The following COL8A1 variants were observed in gnomAD, a reference collection of about 807,000 sequenced individuals.
COL8A1 encodes the protein collagen type VIII alpha 1 chain.
In COL8A1, 21 loss-of-function variants were observed where a neutral mutation model predicts 42.7. That is an observed-to-expected ratio of 0.49 (90% confidence interval 0.35 to 0.71). COL8A1 has a LOEUF of 0.71. COL8A1 is among the 30% of genes least tolerant of loss of function. The probability of loss-of-function intolerance (pLI) is 0.01; values close to 1 mark genes in which losing one functional copy is unlikely to be tolerated. For synonymous variants in COL8A1, 367 were observed against 369.1 expected (o/e 0.99, Z 0.06); for missense variants, 788 against 962.4 (o/e 0.82, Z 2.40).
intron 2 of COL8A1, among the ~76,000 whole-genome samples, chr3:99,746,334 G>A (rs1189015956): frequency 6.6e-6 from 1 of 152,168 alleles, no homozygotes; most frequent in Non-Finnish European, 1.5e-5. Context: ...TGAAGCAGCA[G>A]ATTATAGGAC....
intron 2 of COL8A1, among the ~76,000 whole-genome samples, chr3:99,756,664 G>A (rs576032011): frequency 6.6e-6 from 1 of 152,338 alleles, no homozygotes; most frequent in East Asian, 1.9e-4. Context: ...CTCTGAGCCA[G>A]TGGTTCTTTT....
chr3:99,772,141 T>C (rs116724483), intron 2 of COL8A1, among the ~76,000 whole-genome samples: 1,806 of 152,284 alleles, frequency 0.012, 16 homozygotes, highest in Middle Eastern at 0.037. Context: ...GGAATATTAT[T>C]GAGTGCTAAA....
At chr3:99,777,515 G>T (rs2107444283) in intron 2 of COL8A1, among the ~76,000 whole-genome samples, 1 of 152,296 alleles carries the variant, frequency 6.6e-6, no homozygotes, top group South Asian at 2.1e-4. Context: ...ATGGCATTCT[G>T]CTCCTCTGGA....
intron 1 of COL8A1, among the ~76,000 whole-genome samples, chr3:99,655,357 A>C (rs966556155): frequency 6.6e-6 from 1 of 152,214 alleles, no homozygotes; most frequent in Non-Finnish European, 1.5e-5. Context: ...TAAAATATAC[A>C]AAACAGGAAA....
At chr3:99,722,743 C>T (rs980556920) in intron 1 of COL8A1, among the ~76,000 whole-genome samples, 5 of 151,960 alleles carry the variant, frequency 3.3e-5, no homozygotes, top group African/African-American at 9.7e-5. Context: ...TGTTCTTGCC[C>T]GAAGTGTTAA....
chr3:99,735,733 C>T (rs1295508191), intron 1 of COL8A1, among the ~76,000 whole-genome samples: 3 of 151,668 alleles, frequency 2.0e-5, no homozygotes, highest in Admixed American at 6.6e-5. Flanking sequence ...ATGGTACCAG[C>T]TCCTCCTTGT....
At chr3:99,728,745 A>T (rs1177564331) in intron 1 of COL8A1, among the ~76,000 whole-genome samples, 4 of 152,012 alleles carry the variant, frequency 2.6e-5, no homozygotes, top group African/African-American at 9.7e-5. Flanking sequence ...CATCATGTAA[A>T]TGTCAAGATA....
At chr3:99,698,693 A>G (rs1194156044) in intron 1 of COL8A1, among the ~76,000 whole-genome samples, 1 of 152,228 alleles carries the variant, frequency 6.6e-6, no homozygotes, top group Non-Finnish European at 1.5e-5. Flanking sequence ...GCTCCATCAC[A>G]GCACTTGTCA....
At chr3:99,650,910 T>C (rs1937825095) in intron 1 of COL8A1, among the ~76,000 whole-genome samples, 1 of 152,210 alleles carries the variant, frequency 6.6e-6, no homozygotes, top group Non-Finnish European at 1.5e-5. Flanking sequence ...TAAGATATGC[T>C]TTTTTCTATC....
chr3:99,712,040 G>A (rs1939849451), intron 1 of COL8A1, among the ~76,000 whole-genome samples: 1 of 152,050 alleles, frequency 6.6e-6, no homozygotes, highest in African/African-American at 2.4e-5. Context: ...AGGTAAACTT[G>A]GAAGTGAGCA....
chr3:99,687,017 G>GT (rs1032904803), intron 1 of COL8A1, among the ~76,000 whole-genome samples: 5 of 151,862 alleles, frequency 3.3e-5, no homozygotes, highest in African/African-American at 1.2e-4. Flanking sequence ...CAATTTTTTT[G>GT]TTTTTTATAG....
intron 1 of COL8A1, among the ~76,000 whole-genome samples, chr3:99,672,525 T>C (rs1041318805): frequency 6.6e-6 from 1 of 151,734 alleles, no homozygotes; most frequent in Admixed American, 6.6e-5. Context: ...AAATATATTT[T>C]ATTTCTAGAA....
chr3:99,691,004 A>G (rs1939204127), intron 1 of COL8A1, among the ~76,000 whole-genome samples: 1 of 152,346 alleles, frequency 6.6e-6, no homozygotes, highest in Non-Finnish European at 1.5e-5. Context: ...ATTTTTTTCA[A>G]CCAAGCACAG....
intron 1 of COL8A1, among the ~76,000 whole-genome samples, chr3:99,716,302 T>G (rs908600444): frequency 6.6e-6 from 1 of 152,062 alleles, no homozygotes; most frequent in African/African-American, 2.4e-5. Context: ...GTAGCACTTT[T>G]TTATCTGAAT....
intron 1 of COL8A1, among the ~76,000 whole-genome samples, chr3:99,692,951 G>A (rs1355570581): frequency 2.0e-5 from 3 of 152,240 alleles, no homozygotes; most frequent in Non-Finnish European, 2.9e-5. Context: ...TTGAGGTCAG[G>A]AGTTCAAGAC....
chr3:99,648,987 A>G (rs1937747965), intron 1 of COL8A1, among the ~76,000 whole-genome samples: 1 of 152,148 alleles, frequency 6.6e-6, no homozygotes, highest in Non-Finnish European at 1.5e-5. Context: ...ACAAAAAAGG[A>G]AACAAAGCCT....
Position 99,759,323 on chromosome 3 carries a change from G to A in COL8A1, c.-4+14302G>A, listed in dbSNP as rs150137363. Among the ~76,000 whole-genome samples the A allele has an allele frequency of 4.5e-3, 689 of 152,168 alleles. 6 individuals carry two copies. The highest frequency in any genetic ancestry group is 0.016 in the African/African-American group (656 of 41,524). ...AATGCATAACAAATGAAAAGCAAAG[G>A]AGTTGTATTTGCTATGTAATTTCTC... On this transcript the variant is annotated intron_variant, in intron 2 of 3. Transcript: ENST00000652472.
intron 2 of COL8A1, among the ~76,000 whole-genome samples, chr3:99,781,040 G>A (rs972430735): frequency 1.3e-5 from 2 of 152,128 alleles, no homozygotes; most frequent in Admixed American, 6.6e-5. Flanking sequence ...TGTGGCTGAC[G>A]ATTTATCACA....
chr3:99,714,882 T>C (rs1347296120), intron 1 of COL8A1, among the ~76,000 whole-genome samples: 1 of 152,096 alleles, frequency 6.6e-6, no homozygotes, highest in African/African-American at 2.4e-5. Context: ...GGAAAGCCCC[T>C]CTGAGGAAAT....
Sources: allele counts gnomAD v4.1 joint callset (sites outside exome capture counted in the v4.1 genomes callset), GRCh38; gene constraint gnomAD v4.1.1; transcripts MANE v1.5; gene names NCBI Gene and HGNC (gene_info 2026-07-23, HGNC 2026-07-21).